The following SLC20A2 variants were observed in gnomAD, a reference collection of about 807,000 sequenced individuals.
SLC20A2 encodes the protein sodium-dependent phosphate transporter 2.
Under a neutral mutation model 61.0 loss-of-function variants are expected in SLC20A2, and 30 were observed. The ratio of observed to expected loss-of-function variants is 0.49; its 90% CI spans 0.37 to 0.67. SLC20A2 has a LOEUF of 0.67. Ranked by LOEUF, SLC20A2 falls within the 30% of genes least tolerant of loss-of-function variation. SLC20A2 has a pLI of 0.00. For missense variants in SLC20A2, 626 were observed against 866.4 expected, an observed-to-expected ratio of 0.72 and a Z score of 3.48; for synonymous variants, 351 against 353.3, an observed-to-expected ratio of 0.99 and a Z score of 0.07.
chr8:42,453,371 C>T (rs967110888), intron 5 of SLC20A2, among the ~76,000 whole-genome samples: 6 of 152,118 alleles, frequency 3.9e-5, no homozygotes, highest in Admixed American at 3.9e-4. Context: ...CGAACTTAGT[C>T]TTTGAAGTGT....
chr8:42,534,380 C>G lies in SLC20A2; in HGVS notation c.-265+7441G>C, dbSNP rs1477944775. ...GTTTAACACAATGGTTAAGAGACCT[C>G]ATACATTTTCTATACATTTCTACTA... On this transcript the variant is annotated intron_variant, in intron 1 of 10. Transcript: ENST00000342228. 2.6e-5 allele frequency among the ~76,000 whole-genome samples: 4 copies of G among 152,200 alleles called. No homozygotes were observed. The East Asian group carries it at 7.7e-4, about 29-fold the overall frequency.
At chr8:42,480,750 C>G (rs757626416) in intron 1 of SLC20A2, among the ~76,000 whole-genome samples, 13 of 152,114 alleles carry the variant, frequency 8.5e-5, no homozygotes, top group Non-Finnish European at 1.8e-4. Flanking sequence ...GCCTTAAGCT[C>G]CTGGGCTCAA....
At chr8:42,455,367 T>C (rs1354387826) in intron 5 of SLC20A2, among the ~76,000 whole-genome samples, 1 of 145,750 alleles carries the variant, frequency 6.9e-6, no homozygotes, top group Non-Finnish European at 1.5e-5. Flanking sequence ...AGAAATAATT[T>C]GTTAAGGTTG....
chr8:42,428,621 C>T (rs1184458549), intron 10 of SLC20A2, 137 bp downstream of exon 10: 1 of 643,382 alleles, frequency 1.6e-6, no homozygotes, highest in East Asian at 3.1e-5. Context: ...AATACAAGGT[C>T]CCGGAGACCT....
intron 1 of SLC20A2, chr8:42,541,107 A>G (rs1469302378): frequency 1.3e-5 from 2 of 152,072 alleles, no homozygotes; most frequent in South Asian, 2.1e-4. Flanking sequence ...GCCCGGCTAC[A>G]TTGCGCCTGG....
At chr8:42,517,000 C>A (rs1373980663) in intron 1 of SLC20A2, among the ~76,000 whole-genome samples, 1 of 152,164 alleles carries the variant, frequency 6.6e-6, no homozygotes, top group Non-Finnish European at 1.5e-5. Flanking sequence ...TCCACCACCC[C>A]CCAAGCATTT....
chr8:42,456,291 C>T (rs996276397), intron 5 of SLC20A2, among the ~76,000 whole-genome samples: 1 of 152,158 alleles, frequency 6.6e-6, no homozygotes, highest in African/African-American at 2.4e-5. Context: ...CATATTGATG[C>T]CAATTCCCAT....
At chr8:42,516,197 C>G (rs186057538) in intron 1 of SLC20A2, among the ~76,000 whole-genome samples, 138 of 152,340 alleles carry the variant, frequency 9.1e-4, no homozygotes, top group African/African-American at 2.7e-3. Flanking sequence ...GAGTAACTTA[C>G]GCACTGCAGT....
intron 2 of SLC20A2, among the ~76,000 whole-genome samples, chr8:42,471,584 G>T (rs1263069811): frequency 6.6e-6 from 1 of 152,168 alleles, no homozygotes; most frequent in Non-Finnish European, 1.5e-5. Flanking sequence ...TGAAACACAC[G>T]CACTTAAGAT....
intron 1 of SLC20A2, among the ~76,000 whole-genome samples, chr8:42,528,624 G>A (rs780670757): frequency 5.9e-5 from 9 of 152,004 alleles, no homozygotes; most frequent in African/African-American, 1.7e-4. Flanking sequence ...CTTTCTGCAC[G>A]ATCTTGGGTA....
intron 1 of SLC20A2, among the ~76,000 whole-genome samples, chr8:42,486,626 C>T (rs966417549): frequency 6.6e-6 from 1 of 152,200 alleles, no homozygotes; most frequent in African/African-American, 2.4e-5. Flanking sequence ...CTTTAATATG[C>T]CATCTGCTGC....
chr8:42,425,756 A>C (rs1803362616), intron 10 of SLC20A2, among the ~76,000 whole-genome samples: 1 of 152,134 alleles, frequency 6.6e-6, no homozygotes, highest in South Asian at 2.1e-4. Context: ...AAAGGAAACA[A>C]AACTGGCTGG....
chr8:42,533,651 G>GTTCTTTTTTTCTTTTTTTTTTTT (rs1380902729), intron 1 of SLC20A2, among the ~76,000 whole-genome samples: 2 of 89,734 alleles, frequency 2.2e-5, no homozygotes, highest in African/African-American at 4.8e-5. Flanking sequence ...ATGATCAACT[G>GTTCTTTTTTTCTTTTTTTTTTTT]TTCTTTTTTT....
At chr8:42,499,758 C>T (rs1212804152) in intron 1 of SLC20A2, among the ~76,000 whole-genome samples, 2 of 152,056 alleles carry the variant, frequency 1.3e-5, no homozygotes, top group Admixed American at 6.5e-5. Flanking sequence ...GAAGGATTAC[C>T]GGAGCAAAAC....
At chr8:42,431,202 G>C (rs966792416) in intron 8 of SLC20A2, among the ~76,000 whole-genome samples, 5 of 152,216 alleles carry the variant, frequency 3.3e-5, no homozygotes, top group Non-Finnish European at 7.3e-5. Flanking sequence ...AATGCAAAGG[G>C]AAAGCTTCTT....
intron 5 of SLC20A2, among the ~76,000 whole-genome samples, chr8:42,448,204 G>A (rs773964549): frequency 3.3e-5 from 5 of 152,252 alleles, no homozygotes; most frequent in Non-Finnish European, 5.9e-5. Context: ...TGCTTCTTCT[G>A]TGGTTTTGCT....
chr8:42,508,676 C>A (rs1377079891), intron 1 of SLC20A2, among the ~76,000 whole-genome samples: 1 of 152,188 alleles, frequency 6.6e-6, no homozygotes, highest in Non-Finnish European at 1.5e-5. Flanking sequence ...CAGGCGTGAG[C>A]CACCACACCC....
rs1807678759 is a variant in SLC20A2 at position 42,472,050 on chromosome 8, G to A, written c.289+52C>T. On this transcript the variant is annotated intron_variant, in intron 2 of 10. Transcript: ENST00000520262. The surrounding 1 kb of genome is among the most constrained non-coding windows in gnomAD (Gnocchi z 4.1). ...ATGGATATGGGCAAAGTACTGCAGG[G>A]AAGCGGGTCAGTGGGCGGATGTCCC... 1.3e-6 allele frequency: 2 copies of A among 1,538,094 alleles called. No individual in the cohort carries two copies. The highest frequency in any genetic ancestry group is 1.8e-6 in the Non-Finnish European group (2 of 1,118,072).
intron 5 of SLC20A2, among the ~76,000 whole-genome samples, chr8:42,452,315 T>C (rs908986357): frequency 9.4e-6 from 1 of 106,814 alleles, no homozygotes; most frequent in Non-Finnish European, 1.8e-5. Flanking sequence ...GAGGAAGAGA[T>C]GGAGGAGAAG....
Sources: gnomAD v4.1 joint callset for allele counts (sites outside exome capture counted in the v4.1 genomes callset) on GRCh38, gnomAD v4.1.1 for gene constraint, Gnocchi (gnomAD v3.1) non-coding constraint, MANE v1.5 for transcripts, NCBI Gene and HGNC (gene_info 2026-07-23, HGNC 2026-07-21) for gene names.